The following TGM6 variants were observed in gnomAD, a reference collection of about 807,000 sequenced individuals.
The protein encoded by TGM6 is protein-glutamine gamma-glutamyltransferase 6.
Under a neutral mutation model 77.5 loss-of-function variants are expected in TGM6, and 74 were observed. The ratio of observed to expected loss-of-function variants is 0.96; its 90% CI spans 0.79 to 1.16. TGM6 has a LOEUF of 1.16. Ranked by LOEUF, TGM6 falls within the 50% of genes most tolerant of loss-of-function variation. TGM6 has a pLI of 0.00. For missense variants in TGM6, 968 were observed against 940.2 expected (o/e 1.03, Z -0.39); for synonymous variants, 383 against 378.9 (o/e 1.01, Z -0.12).
chr20:2,385,977 A>T (rs1430878056), intron 1 of TGM6, among the ~76,000 whole-genome samples: 1 of 152,214 alleles, frequency 6.6e-6, no homozygotes. Flanking sequence ...CTGATCACAG[A>T]TAAGGGACAG....
rs757930415 is a variant in TGM6, at chr20:2,403,683, A to G, written c.1196A>G (p.Tyr399Cys). Residue 399 changes from tyrosine to cysteine, a missense_variant, in exon 9 of 13, where the codon TAC becomes TGC. Physicochemically the swap from Tyr to Cys is radical, Grantham distance 194. Coordinates refer to ENST00000202625, the MANE Select transcript of TGM6 (RefSeq NM_198994.3). ...GTGTTTGCGGAGGTCAACGCCGACT[A>G]CATCACCTGGCTGTGGCACGAGGAT... ...PFVFAEVNAD[Y>C]ITWLWHEDES... 1.2e-6 allele frequency: 2 copies of G among 1,614,188 alleles called. No individual in the cohort carries two copies. The highest frequency in any genetic ancestry group is 2.2e-5 in the East Asian group (1 of 44,888).
chr20:2,391,468 T>C (rs1487589327), intron 1 of TGM6, among the ~76,000 whole-genome samples: 1 of 150,714 alleles, frequency 6.6e-6, no homozygotes, highest in Non-Finnish European at 1.5e-5. Flanking sequence ...TAGAGTCTGA[T>C]GCAGCCAGTG....
At chr20:2,386,436 A>G (rs1416774058) in intron 1 of TGM6, among the ~76,000 whole-genome samples, 2 of 152,142 alleles carry the variant, frequency 1.3e-5, no homozygotes, top group African/African-American at 4.8e-5. Context: ...TGGTTTCTGC[A>G]AAACCCCATC....
chr20:2,403,559 C>T, intron 8 of TGM6, 22 bp from the exon 9 acceptor site: 1 of 1,614,154 alleles, frequency 6.2e-7, no homozygotes, highest in Non-Finnish European at 8.5e-7. Context: ...CCATGCTGCT[C>T]ATGCCCACCC....
chr20:2,393,747 G>A (rs949366149), intron 1 of TGM6, among the ~76,000 whole-genome samples: 3 of 152,004 alleles, frequency 2.0e-5, no homozygotes, highest in South Asian at 2.1e-4. Context: ...GGGTGGTCTC[G>A]AGCTCCTGAG....
chr20:2,419,054 G>A (rs369635089), intron 10 of TGM6, among the ~76,000 whole-genome samples: 6 of 152,326 alleles, frequency 3.9e-5, no homozygotes, highest in East Asian at 1.9e-4. Flanking sequence ...ATAGCACTTC[G>A]TGGATGATTT....
chr20:2,382,452 A>T (rs2084562246), intron 1 of TGM6, among the ~76,000 whole-genome samples: 1 of 152,198 alleles, frequency 6.6e-6, no homozygotes, highest in South Asian at 2.1e-4. Context: ...CTTAAACTTG[A>T]CAGTGCGAAG....
intron 1 of TGM6, among the ~76,000 whole-genome samples, chr20:2,381,864 G>A (rs2084557148): frequency 6.6e-6 from 1 of 152,180 alleles, no homozygotes; most frequent in African/African-American, 2.4e-5. Flanking sequence ...GCTACAGTGA[G>A]CCAAGATGGT....
intron 9 of TGM6, among the ~76,000 whole-genome samples, chr20:2,414,347 G>T (rs1398808759): frequency 6.6e-6 from 1 of 152,206 alleles, no homozygotes; most frequent in Non-Finnish European, 1.5e-5. Context: ...GAAAATGCAT[G>T]TCAAAACCAC....
At chr20:2,412,416 G>T (rs2084790328) in intron 9 of TGM6, among the ~76,000 whole-genome samples, 1 of 152,004 alleles carries the variant, frequency 6.6e-6, no homozygotes, top group African/African-American at 2.4e-5. Context: ...GGTAGTGATG[G>T]TTACACAACA....
chr20:2,404,546 T>C (rs969400960), intron 9 of TGM6, among the ~76,000 whole-genome samples: 4 of 152,096 alleles, frequency 2.6e-5, no homozygotes, highest in African/African-American at 9.7e-5. Context: ...GCAGTGACCC[T>C]GGAAGGTTGC....
chr20:2,392,864 C>G (rs2084638011), intron 1 of TGM6, among the ~76,000 whole-genome samples: 1 of 152,200 alleles, frequency 6.6e-6, no homozygotes, highest in Admixed American at 6.5e-5. Context: ...GATTGCGCCA[C>G]TGCACTCCAG....
At chr20:2,391,435 G>A (rs532650714) in intron 1 of TGM6, among the ~76,000 whole-genome samples, 2 of 151,950 alleles carry the variant, frequency 1.3e-5, no homozygotes, top group East Asian at 1.9e-4. Context: ...TATGTGCGAC[G>A]TCGGGGCAGG....
chr20:2,407,411 G>T (rs1204870957), intron 9 of TGM6, among the ~76,000 whole-genome samples: 2 of 152,152 alleles, frequency 1.3e-5, no homozygotes. Context: ...CTGAGGTCAG[G>T]AGTTCAAGAC....
At chr20:2,389,430 A>G (rs752157445) in intron 1 of TGM6, among the ~76,000 whole-genome samples, 1 of 152,196 alleles carries the variant, frequency 6.6e-6, no homozygotes, top group Non-Finnish European at 1.5e-5. Flanking sequence ...CCTGACCCAC[A>G]AAAACCATGA....
intron 1 of TGM6, among the ~76,000 whole-genome samples, chr20:2,384,778 C>G (rs1217904975): frequency 6.6e-6 from 1 of 152,162 alleles, no homozygotes; most frequent in Non-Finnish European, 1.5e-5. Flanking sequence ...GGAGAGCAGA[C>G]AAGCTGGAGG....
At chr20:2,425,358 A>G (rs1350340288) in intron 10 of TGM6, among the ~76,000 whole-genome samples, 3 of 152,096 alleles carry the variant, frequency 2.0e-5, no homozygotes, top group Non-Finnish European at 4.4e-5. Context: ...TAAAGAAAAA[A>G]AAAAAAAGAT....
intron 9 of TGM6, among the ~76,000 whole-genome samples, chr20:2,405,727 T>C (rs939726738): frequency 6.6e-6 from 1 of 152,214 alleles, no homozygotes; most frequent in African/African-American, 2.4e-5. Context: ...TTCTGATGCA[T>C]GGTGATTTTT....
intron 10 of TGM6, among the ~76,000 whole-genome samples, chr20:2,418,111 C>A (rs1424439480): frequency 1.3e-5 from 2 of 152,136 alleles, no homozygotes; most frequent in East Asian, 3.9e-4. Context: ...CTCCCGGGTT[C>A]AAGGGCTTCT....
Sources: gnomAD v4.1 joint callset for allele counts (sites outside exome capture counted in the v4.1 genomes callset) on GRCh38, gnomAD v4.1.1 for gene constraint, MANE v1.5 for transcripts, NCBI Gene and HGNC (gene_info 2026-07-23, HGNC 2026-07-21) for gene names.